TJP2: variants seen among roughly 807,000 people sequenced by gnomAD.
TJP2 encodes the protein Friedreich ataxia region gene X104 (tight junction protein ZO-2).
In TJP2, 91 loss-of-function variants were observed where a neutral mutation model predicts 133.1. That is an observed-to-expected ratio of 0.68 (90% CI 0.58 to 0.81). The LOEUF (loss-of-function observed/expected upper bound fraction) is 0.81. Ranked by LOEUF, TJP2 falls within the 40% of genes least tolerant of loss-of-function variation. The pLI, the probability that TJP2 is intolerant of heterozygous loss-of-function variation, is 0.00. For missense variants in TJP2, 1,541 were observed against 1,565.6 expected (o/e 0.98, Z 0.26); for synonymous variants, 592 against 583.4 (o/e 1.01, Z -0.21).
At chr9:69,177,047 A>T (rs1050056361) in intron 1 of TJP2, among the ~76,000 whole-genome samples, 1 of 152,210 alleles carries the variant, frequency 6.6e-6, no homozygotes, top group Non-Finnish European at 1.5e-5. Flanking sequence ...AATATGAGCC[A>T]CCAGGGAATT....
intron 2 of TJP2, among the ~76,000 whole-genome samples, chr9:69,155,180 C>T (rs1823683338): frequency 7.1e-6 from 1 of 141,382 alleles, no homozygotes; most frequent in Admixed American, 7.3e-5. Context: ...GATCGTGCCA[C>T]TTCACTCCAG....
intron 1 of TJP2, chr9:69,205,082 AC>A (rs1287992977): frequency 4.6e-6 from 7 of 1,519,096 alleles, no homozygotes; most frequent in Non-Finnish European, 4.4e-6. Flanking sequence ...TATCCGCCTT[AC>A]GTAACCACAT....
rs1831434314 is a variant in TJP2, at chr9:69,252,811, A to G, written c.3322-4A>G. On this transcript the variant is annotated splice_polypyrimidine_tract_variant and splice_region_variant and intron_variant, in intron 21 of 22. Transcript: ENST00000377245. Reference sequence around the variant, plus strand: ...CTTATTCTTTTCTTTTTTAATTACCACAGATCGAAATTGCCCAGAAGCATC... The same window carrying G: ...CTTATTCTTTTCTTTTTTAATTACCGCAGATCGAAATTGCCCAGAAGCATC... The G allele has an allele frequency of 3.1e-6, 5 of 1,614,078 alleles. No individual in the cohort carries two copies. Among genetic ancestry groups the G allele is most frequent in the Non-Finnish European group, 2.5e-6 (3 of 1,179,940 alleles).
intron 19 of TJP2, chr9:69,248,448 G>A (rs774899924): frequency 2.3e-4 from 321 of 1,402,264 alleles, no homozygotes; most frequent in Non-Finnish European, 2.9e-4. Context: ...TCAGCACTCC[G>A]CACACCCATG....
chr9:69,223,378 G>A (rs1205003994), intron 5 of TJP2, among the ~76,000 whole-genome samples: 1 of 152,158 alleles, frequency 6.6e-6, no homozygotes, highest in Non-Finnish European at 1.5e-5. Flanking sequence ...CGCGATCTCG[G>A]CTCACTGCAG....
At position 69,236,074 on chromosome 9, in the gene TJP2, A is replaced by G. The variant is rs773359208; in HGVS notation, c.1827A>G (p.Ile609Met). The G allele has an allele frequency of 1.2e-6, 2 of 1,614,136 alleles. No homozygotes were observed. Among genetic ancestry groups the G allele is most frequent in the South Asian group, 1.1e-5 (1 of 91,074 alleles). The change falls in exon 13 of 23, where the codon ATA becomes ATG. Residue 609 changes from isoleucine (I) to methionine (M), a missense_variant. Ile to Met is a conservative substitution (Grantham distance 10, BLOSUM62 1). Coordinates refer to ENST00000377245, the MANE Select transcript of TJP2 (RefSeq NM_004817.4). The part of the protein sequence containing the change: ...LACGRGDSFF[I>M]RSHFECEKET... ...GTGGCAGAGGGGATTCGTTTTTTAT[A>G]AGAAGCCACTTTGAATGTGAGAAGG...
chr9:69,209,596 A>G (rs1827705994), intron 1 of TJP2, among the ~76,000 whole-genome samples: 1 of 151,794 alleles, frequency 6.6e-6, no homozygotes, highest in Admixed American at 6.6e-5. Flanking sequence ...TCTACTAAAA[A>G]TACAAAAATT....
At position 69,254,220 on chromosome 9, in the gene TJP2, C is replaced by T. The variant is rs1430272797; in HGVS notation, c.3419C>T (p.Pro1140Leu). 6.2e-7 allele frequency: 1 copy of T among 1,614,252 alleles called. No homozygotes were observed. Among genetic ancestry groups the T allele is most frequent in the Admixed American group, 1.7e-5 (1 of 60,032 alleles). ...CCTTTTTTTGTTAGTTCCAGACCCC[C>T]TGAGCCACAGAAAGCTCCTTCCAGA... The part of the protein sequence containing the change: ...GTPQHTSSRP[P>L]EPQKAPSRPY... The change falls in exon 23 of 23, where the codon CCT (proline) becomes CTT (leucine). Residue 1140 changes from proline (P) to leucine (L), a missense_variant. Pro to Leu is a moderately conservative substitution (Grantham distance 98). Transcript: ENST00000377245.
intron 11 of TJP2, among the ~76,000 whole-genome samples, chr9:69,232,101 C>T (rs1391452050): frequency 6.6e-6 from 1 of 152,108 alleles, no homozygotes; most frequent in Non-Finnish European, 1.5e-5. Context: ...GATAAAAAGT[C>T]ATGGTATCAG....
At chr9:69,183,869 G>T (rs1825677797) in intron 1 of TJP2, among the ~76,000 whole-genome samples, 1 of 152,134 alleles carries the variant, frequency 6.6e-6, no homozygotes, top group African/African-American at 2.4e-5. Context: ...CAAGTAGCTG[G>T]GATTACAGGC....
chr9:69,174,791 A>G (rs1340496995), intron 1 of TJP2, among the ~76,000 whole-genome samples: 1 of 152,026 alleles, frequency 6.6e-6, no homozygotes, highest in African/African-American at 2.4e-5. Flanking sequence ...ATTTCAAACC[A>G]CACTCGGTAT....
rs768538449 is a variant in TJP2, at chr9:69,236,059, G to T, written c.1812G>T (p.Gly604=). 1.9e-6 allele frequency: 3 copies of T among 1,614,108 alleles called. No individual in the cohort carries two copies. Among genetic ancestry groups the T allele is most frequent in the Non-Finnish European group, 2.5e-6 (3 of 1,180,018 alleles). The change falls in exon 13 of 23, where the codon GGG becomes GGT. Residue 604 remains glycine (G), a synonymous_variant. Coordinates refer to ENST00000377245, the MANE Select transcript of TJP2 (RefSeq NM_004817.4). ...VYRDILACGR[G]DSFFIRSHFE... is the part of the protein sequence containing the mutation. Reference sequence around the variant, plus strand: ...GAGACATCCTGGCTTGTGGCAGAGGGGATTCGTTTTTTATAAGAAGCCACT... The same window carrying T: ...GAGACATCCTGGCTTGTGGCAGAGGTGATTCGTTTTTTATAAGAAGCCACT...
At chr9:69,183,630 T>C (rs1825660994) in intron 1 of TJP2, among the ~76,000 whole-genome samples, 1 of 152,242 alleles carries the variant, frequency 6.6e-6, no homozygotes, top group Non-Finnish European at 1.5e-5. Flanking sequence ...TGAATAAAGC[T>C]GCCATGAAAA....
chr9:69,214,173 C>T (rs1828167032), intron 2 of TJP2, among the ~76,000 whole-genome samples: 1 of 152,132 alleles, frequency 6.6e-6, no homozygotes, highest in African/African-American at 2.4e-5. Flanking sequence ...GCAACCTTCA[C>T]CTCCTAGGTT....
intron 4 of TJP2, 57 bp downstream of exon 4, chr9:69,218,416 A>G: frequency 1.5e-6 from 2 of 1,301,104 alleles, no homozygotes; most frequent in Non-Finnish European, 2.2e-6. Flanking sequence ...TTTTGCCCAG[A>G]AGAAAATTAC....
At chr9:69,234,055 C>T (rs1181266083) in intron 11 of TJP2, among the ~76,000 whole-genome samples, 1 of 152,194 alleles carries the variant, frequency 6.6e-6, no homozygotes, top group Non-Finnish European at 1.5e-5. Flanking sequence ...CAACACTCCC[C>T]ATGCTTCATA....
At chr9:69,177,665 G>A (rs2275427) in intron 1 of TJP2, among the ~76,000 whole-genome samples, 63,344 of 150,928 alleles carry the variant, frequency 0.42, 13,546 homozygotes, top group East Asian at 0.62. Flanking sequence ...TTTTTTTGGA[G>A]ATGGAGTCTT....
chr9:69,242,012 G>A (rs1462469498), intron 17 of TJP2, among the ~76,000 whole-genome samples: 1 of 152,156 alleles, frequency 6.6e-6, no homozygotes, highest in Non-Finnish European at 1.5e-5. Context: ...ACTAAATAGC[G>A]AGCGTCTTCC....
rs569148433 is a variant in TJP2 at position 69,150,863 on chromosome 9, T to C, written c.-130-788T>C. Among the ~76,000 whole-genome samples, 130 of 152,292 alleles carry C rather than the reference T, an allele frequency of 8.5e-4. 2 individuals carry two copies. The highest frequency in any genetic ancestry group is 3.0e-3 in the African/African-American group (125 of 41,546). On this transcript the variant is annotated intron_variant, in intron 1 of 5. Coordinates refer to the TJP2 transcript ENST00000423935. ...ACCAAAGAGTAGAAACAACCCAAAC[T>C]TCCACCAACTGAAGAATAGATAATA...
Sources: allele counts gnomAD v4.1 joint callset (sites outside exome capture counted in the v4.1 genomes callset), GRCh38; gene constraint gnomAD v4.1.1; transcripts MANE v1.5; gene names NCBI Gene and HGNC (gene_info 2026-07-23, HGNC 2026-07-21).